The following RAB2A variants were observed in gnomAD, a reference collection of about 807,000 sequenced individuals.
RAB2A encodes RAB2A, member RAS oncogene family.
RAB2A carries 7 observed loss-of-function variants against 32.5 expected under a neutral mutation model. That is an observed-to-expected ratio of 0.22 (90% CI 0.12 to 0.40). The LOEUF (loss-of-function observed/expected upper bound fraction) is 0.40, where lower values mean the gene tolerates loss of function less well. Among genes scored for constraint, RAB2A ranks in the 10% least tolerant of loss-of-function variants. RAB2A has a pLI of 1.00. For missense variants in RAB2A, 108 were observed against 260.7 expected, an observed-to-expected ratio of 0.41 and a Z score of 4.03; for synonymous variants, 79 against 85.2, an observed-to-expected ratio of 0.93 and a Z score of 0.40.
intron 1 of RAB2A, among the ~76,000 whole-genome samples, chr8:60,526,830 G>A (rs768885254): frequency 1.9e-4 from 29 of 152,134 alleles, no homozygotes; most frequent in South Asian, 6.2e-4. Context: ...TTAGCCAGGC[G>A]TGGCGGCATG....
intron 1 of RAB2A, among the ~76,000 whole-genome samples, chr8:60,526,054 T>TTG (rs1807381936): frequency 7.9e-6 from 1 of 126,540 alleles, no homozygotes; most frequent in African/African-American, 3.0e-5. Flanking sequence ...TATATATATA[T>TTG]ATAAGTTTTC....
intron 1 of RAB2A, among the ~76,000 whole-genome samples, chr8:60,526,869 T>C (rs1586061546): frequency 6.7e-6 from 1 of 150,166 alleles, no homozygotes; most frequent in African/African-American, 2.5e-5. Flanking sequence ...CTTGGGAGGC[T>C]GAGATGAGAG....
intron 1 of RAB2A, among the ~76,000 whole-genome samples, chr8:60,554,071 A>G (rs1807898425): frequency 6.6e-6 from 1 of 152,234 alleles, no homozygotes; most frequent in Non-Finnish European, 1.5e-5. Flanking sequence ...TTTTCAGCTC[A>G]AAAAGAACCT....
Position 60,621,767 on chromosome 8 carries a change from CTG to C in RAB2A, c.*1002_*1003del, listed in dbSNP as rs1344123956. The C allele has an allele frequency of 5.3e-5, 8 of 152,082 alleles. No homozygotes were observed. The highest frequency in any genetic ancestry group is 1.3e-4 in the Admixed American group (2 of 15,252). 9.4% of individuals were successfully genotyped at this position (152,082 alleles called of 1,614,324 possible). A position where few individuals can be genotyped will look rare whatever the true frequency, so the allele number is the denominator to read the frequency against. ...GTTTTTCAACCTTGATGTACAGTGA[CTG>C]TGTAAAATTTTTCTTTCAGTGGCAA... On this transcript the variant is annotated 3_prime_UTR_variant, in exon 8 of 8. Coordinates refer to ENST00000262646, the MANE Select transcript of RAB2A (RefSeq NM_002865.3).
intron 1 of RAB2A, among the ~76,000 whole-genome samples, chr8:60,554,285 T>C (rs1807901949): frequency 6.6e-6 from 1 of 152,214 alleles, no homozygotes; most frequent in Admixed American, 6.5e-5. Flanking sequence ...ATGGAATTTA[T>C]GAAGACTTGC....
intron 2 of RAB2A, among the ~76,000 whole-genome samples, chr8:60,564,495 C>G (rs1437231745): frequency 1.3e-5 from 2 of 152,062 alleles, no homozygotes; most frequent in East Asian, 3.8e-4. Flanking sequence ...TATTTTCTGT[C>G]TACAGTTTCC....
At chr8:60,596,152 A>G (rs1199939443) in intron 6 of RAB2A, among the ~76,000 whole-genome samples, 1 of 152,246 alleles carries the variant, frequency 6.6e-6, no homozygotes, top group Admixed American at 6.5e-5. Flanking sequence ...TTAACTCAAG[A>G]TGGATTAGAG....
chr8:60,614,625 A>G (rs1204430171), intron 6 of RAB2A, among the ~76,000 whole-genome samples: 1 of 152,172 alleles, frequency 6.6e-6, no homozygotes, highest in African/African-American at 2.4e-5. Context: ...TATTTACTGA[A>G]TGTTTATTTG....
intron 1 of RAB2A, among the ~76,000 whole-genome samples, chr8:60,538,785 C>A (rs370990736): frequency 9.2e-5 from 14 of 152,180 alleles, no homozygotes; most frequent in African/African-American, 3.4e-4. Context: ...CTGTGCCCTA[C>A]CAAGGTAGAA....
intron 1 of RAB2A, among the ~76,000 whole-genome samples, chr8:60,518,667 A>G (rs1172910456): frequency 2.0e-5 from 3 of 150,856 alleles, no homozygotes; most frequent in South Asian, 4.2e-4. Flanking sequence ...TGCTAGATAC[A>G]TGAGTTTTCA....
chr8:60,545,569 C>G (rs1442265564), intron 1 of RAB2A, among the ~76,000 whole-genome samples: 2 of 152,164 alleles, frequency 1.3e-5, no homozygotes, highest in Admixed American at 1.3e-4. Context: ...TGTGAGCCAT[C>G]ACACCCGGCA....
chr8:60,588,499 A>G (rs72650416), intron 5 of RAB2A, among the ~76,000 whole-genome samples: 23,318 of 152,230 alleles, frequency 0.15, 1,940 homozygotes, highest in East Asian at 0.26. Flanking sequence ...CAACTCAGCT[A>G]TAAAGAGGAA....
intron 1 of RAB2A, among the ~76,000 whole-genome samples, chr8:60,536,897 T>C (rs181384786): frequency 5.9e-4 from 90 of 152,356 alleles, no homozygotes; most frequent in African/African-American, 2.1e-3. Context: ...CTGCCTCTTA[T>C]TATTTATGTT....
At chr8:60,587,822 C>G (rs527752639) in intron 5 of RAB2A, among the ~76,000 whole-genome samples, 2 of 152,190 alleles carry the variant, frequency 1.3e-5, no homozygotes, top group South Asian at 4.1e-4. Flanking sequence ...TACAGACTAG[C>G]AGAAAATATT....
At chr8:60,529,061 T>C (rs1188784237) in intron 1 of RAB2A, among the ~76,000 whole-genome samples, 1 of 152,196 alleles carries the variant, frequency 6.6e-6, no homozygotes, top group Non-Finnish European at 1.5e-5. Flanking sequence ...TTCTCATGGC[T>C]TCTCTCTTGA....
At chr8:60,522,073 G>A (rs1807311117) in intron 1 of RAB2A, among the ~76,000 whole-genome samples, 1 of 152,192 alleles carries the variant, frequency 6.6e-6, no homozygotes, top group Non-Finnish European at 1.5e-5. Context: ...GGATGTAATG[G>A]TGGGAAATAC....
intron 6 of RAB2A, among the ~76,000 whole-genome samples, chr8:60,600,066 TAAA>T (rs36105307): frequency 7.1e-6 from 1 of 139,916 alleles, no homozygotes; most frequent in African/African-American, 2.5e-5. Flanking sequence ...TACTCGGTAG[TAAA>T]AAAAAAAAAA....
chr8:60,588,109 CA>C (rs1205685835), intron 5 of RAB2A, among the ~76,000 whole-genome samples: 1 of 152,024 alleles, frequency 6.6e-6, no homozygotes, highest in Non-Finnish European at 1.5e-5. Context: ...TTCTTCTATA[CA>C]AAAATAAGAA....
chr8:60,526,017 G>GCACA (rs879271913), intron 1 of RAB2A, among the ~76,000 whole-genome samples: 3,244 of 74,038 alleles, frequency 0.044, 125 homozygotes, highest in Middle Eastern at 0.081. Context: ...ATGTGTGTGT[G>GCACA]TACATATATA....
Sources: allele counts gnomAD v4.1 joint callset (sites outside exome capture counted in the v4.1 genomes callset), GRCh38; gene constraint gnomAD v4.1.1; transcripts MANE v1.5; gene names NCBI Gene and HGNC (gene_info 2026-07-23, HGNC 2026-07-21).